The following CPLX2 variants were observed in gnomAD, a reference collection of about 807,000 sequenced individuals.
CPLX2 encodes complexin 2, also known as complexin-2.
In CPLX2, 5 loss-of-function variants were observed where a neutral mutation model predicts 16.3. The observed-to-expected ratio is 0.31, with a 90% CI of 0.16 to 0.64. The LOEUF (loss-of-function observed/expected upper bound fraction) is 0.64, where lower values mean the gene tolerates loss of function less well. CPLX2 is among the 30% of genes least tolerant of loss of function. CPLX2 has a pLI of 0.79. For synonymous variants in CPLX2, 89 were observed against 73.2 expected (o/e 1.22, Z -1.10); for missense variants, 144 against 181.4 (o/e 0.79, Z 1.18).
intron 2 of CPLX2, among the ~76,000 whole-genome samples, chr5:175,839,142 C>T (rs1216895798): frequency 1.3e-5 from 2 of 152,192 alleles, no homozygotes; most frequent in Non-Finnish European, 2.9e-5. Context: ...AAGCATTCTT[C>T]CCACCTTAGC....
chr5:175,798,339 A>C (rs1025256371), intron 1 of CPLX2, among the ~76,000 whole-genome samples: 1 of 152,236 alleles, frequency 6.6e-6, no homozygotes, highest in Non-Finnish European at 1.5e-5. Flanking sequence ...TACTTTCTGT[A>C]AACTTGTACT....
chr5:175,836,101 A>G (rs1758829890), intron 2 of CPLX2, among the ~76,000 whole-genome samples: 1 of 152,180 alleles, frequency 6.6e-6, no homozygotes, highest in Non-Finnish European at 1.5e-5. Context: ...CTGTAATTCC[A>G]GCACTTTGGG....
intron 2 of CPLX2, among the ~76,000 whole-genome samples, chr5:175,846,976 G>C (rs1424374036): frequency 6.6e-6 from 1 of 152,054 alleles, no homozygotes; most frequent in Non-Finnish European, 1.5e-5. Context: ...TCTGAACCTC[G>C]GCCTCCTCAT....
intron 2 of CPLX2, among the ~76,000 whole-genome samples, chr5:175,813,677 T>A (rs1451443174): frequency 6.6e-6 from 1 of 152,132 alleles, no homozygotes; most frequent in African/African-American, 2.4e-5. Flanking sequence ...TGAGGTAGCA[T>A]CTCCCACAAA....
chr5:175,834,528 G>C (rs888709659), intron 2 of CPLX2, among the ~76,000 whole-genome samples: 3 of 152,106 alleles, frequency 2.0e-5, no homozygotes, highest in African/African-American at 4.8e-5. Flanking sequence ...CACAGTGGGC[G>C]GGGTAGCAGG....
rs540694924 is a variant in CPLX2, at chr5:175,801,485, A to G, written c.-169+4701A>G. Among the ~76,000 whole-genome samples the G allele has an allele frequency of 1.3e-3, 201 of 152,298 alleles. 1 individual carries two copies. Among genetic ancestry groups the G allele is most frequent in the Non-Finnish European group, 1.5e-3 (100 of 68,026 alleles). ...GTAAGGCTGCTGCATAGGTGGACCA[A>G]GGGGCAGCGTGTGGTAGCTGTGGAG... is the stretch of plus-strand genomic sequence containing the variant. On this transcript the variant is annotated intron_variant, in intron 1 of 4. Transcript: ENST00000359546.
intron 2 of CPLX2, among the ~76,000 whole-genome samples, chr5:175,826,211 T>A (rs531398061): frequency 2.6e-4 from 39 of 152,170 alleles, no homozygotes; most frequent in African/African-American, 8.9e-4. Flanking sequence ...GGTGAGCTTC[T>A]CAGAAGACGG....
intron 2 of CPLX2, among the ~76,000 whole-genome samples, chr5:175,818,895 T>C (rs1199851703): frequency 6.6e-6 from 1 of 152,038 alleles, no homozygotes; most frequent in Non-Finnish European, 1.5e-5. Context: ...AATCTCTTGA[T>C]CTCATGATCG....
At chr5:175,875,334 C>T (rs72823151) in intron 1 of CPLX2, among the ~76,000 whole-genome samples, 9,572 of 152,092 alleles carry the variant, frequency 0.063, 398 homozygotes, top group Non-Finnish European at 0.096. Flanking sequence ...GAATCCAGGG[C>T]ACAGGTAGAT....
At position 175,828,104 on chromosome 5, in the gene CPLX2, G is replaced by C. The variant is rs141025988; in HGVS notation, c.-89+19036G>C. On this transcript the variant is annotated intron_variant, in intron 2 of 4. Coordinates refer to the CPLX2 transcript ENST00000359546. The stretch of plus-strand genomic sequence containing the variant: ...TCACATGAAAATCATGAATTGAAAA[G>C]ACCTTTAAAAATTCACCATTTACTT... 1.7e-3 allele frequency among the ~76,000 whole-genome samples: 260 copies of C among 152,286 alleles called. 1 individual carries two copies. Among genetic ancestry groups the C allele is most frequent in the African/African-American group, 6.0e-3 (249 of 41,542 alleles).
chr5:175,837,798 C>T (rs531202788), intron 2 of CPLX2: 31 of 152,358 alleles, frequency 2.0e-4, no homozygotes, highest in African/African-American at 6.3e-4. Context: ...GTAAAATGTA[C>T]ATGATGCTCC....
intron 2 of CPLX2, among the ~76,000 whole-genome samples, chr5:175,812,496 C>T (rs1325568354): frequency 6.6e-6 from 1 of 152,112 alleles, no homozygotes; most frequent in African/African-American, 2.4e-5. Context: ...ATAATCAGGT[C>T]AGAGTAAGAT....
At chr5:175,878,570 G>T in intron 1 of CPLX2, 82 bp from the exon 2 acceptor site, 1 of 699,710 alleles carries the variant, frequency 1.4e-6, no homozygotes. Context: ...GTCTGAACCA[G>T]GGTGAGGCTG....
At chr5:175,869,519 T>C (rs997127752), upstream of CPLX2, among the ~76,000 whole-genome samples, 4 of 152,164 alleles carry the variant, frequency 2.6e-5, no homozygotes, top group African/African-American at 7.2e-5. Flanking sequence ...TCGCCAGCAA[T>C]AGAAAAAGCA....
chr5:175,850,043 C>A (rs984788787), intron 2 of CPLX2, among the ~76,000 whole-genome samples: 2 of 152,202 alleles, frequency 1.3e-5, no homozygotes, highest in Admixed American at 1.3e-4. Context: ...GTCTGTGCAG[C>A]GGGCCACACC....
chr5:175,797,420 G>T (rs991234278), intron 1 of CPLX2, among the ~76,000 whole-genome samples: 10 of 152,116 alleles, frequency 6.6e-5, no homozygotes, highest in Admixed American at 1.3e-4. Context: ...GGCACAGAAC[G>T]GTCCCGGCTC....
intron 1 of CPLX2, among the ~76,000 whole-genome samples, chr5:175,797,356 G>C (rs1758005984): frequency 6.6e-6 from 1 of 151,212 alleles, no homozygotes; most frequent in South Asian, 2.1e-4. Context: ...GCCGAGGCCT[G>C]GCCGTGCAAT....
intron 2 of CPLX2, among the ~76,000 whole-genome samples, chr5:175,810,129 G>GTT (rs1274162079): frequency 2.6e-5 from 4 of 152,168 alleles, no homozygotes; most frequent in Non-Finnish European, 5.9e-5. Context: ...GGGACAGAAG[G>GTT]GAACATTTTG....
At chr5:175,835,939 A>T (rs1758824564) in intron 2 of CPLX2, among the ~76,000 whole-genome samples, 1 of 151,808 alleles carries the variant, frequency 6.6e-6, no homozygotes. Flanking sequence ...GGGTTTCCCC[A>T]TGTTGGCCGG....
Sources: allele counts gnomAD v4.1 joint callset (sites outside exome capture counted in the v4.1 genomes callset), GRCh38; gene constraint gnomAD v4.1.1; transcripts MANE v1.5; gene names NCBI Gene and HGNC (gene_info 2026-07-23, HGNC 2026-07-21).